Variants in CYTH3 observed in about 807,000 individuals in gnomAD.
CYTH3 encodes cytohesin 3.
CYTH3 carries 23 observed loss-of-function variants against 55.1 expected under a neutral mutation model. The ratio of observed to expected loss-of-function variants is 0.42; its 90% CI spans 0.30 to 0.59. The LOEUF is 0.59. Among genes scored for constraint, CYTH3 ranks in the 20% least tolerant of loss-of-function variants. The pLI is 0.20. For synonymous variants in CYTH3, 249 were observed against 194.9 expected (o/e 1.28, Z -2.31); for missense variants, 413 against 524.8 (o/e 0.79, Z 2.08).
chr7:6,182,679 T>A (rs1357713196), intron 4 of CYTH3, among the ~76,000 whole-genome samples: 3 of 152,134 alleles, frequency 2.0e-5, no homozygotes, highest in African/African-American at 7.2e-5. Flanking sequence ...GCTTATTTTT[T>A]TAAAAAAACT....
chr7:6,221,670 T>G (rs1784556689), intron 1 of CYTH3, among the ~76,000 whole-genome samples: 1 of 151,390 alleles, frequency 6.6e-6, no homozygotes, highest in South Asian at 2.1e-4. Context: ...CTTTGCAACT[T>G]TCTGTGAATC....
chr7:6,246,066 C>T (rs1437823028), intron 1 of CYTH3, among the ~76,000 whole-genome samples: 1 of 151,932 alleles, frequency 6.6e-6, no homozygotes, highest in Admixed American at 6.6e-5. Context: ...TAATTATCCT[C>T]TAAATAATTT....
At chr7:6,222,344 G>A (rs575498457) in intron 1 of CYTH3, among the ~76,000 whole-genome samples, 2 of 152,218 alleles carry the variant, frequency 1.3e-5, no homozygotes, top group Admixed American at 6.5e-5. Context: ...CAAGTGCCTC[G>A]TGTTCCCCCC....
chr7:6,176,570 T>C (rs1272893904), intron 5 of CYTH3, among the ~76,000 whole-genome samples: 1 of 152,176 alleles, frequency 6.6e-6, no homozygotes, highest in Non-Finnish European at 1.5e-5. Context: ...CAATTGAGTT[T>C]TGTATATTAA....
chr7:6,267,958 C>CA (rs71008367), intron 1 of CYTH3, among the ~76,000 whole-genome samples: 7,389 of 152,096 alleles, frequency 0.049, 270 homozygotes, highest in Middle Eastern at 0.075. Flanking sequence ...TTTTGAATTT[C>CA]AAAAAATAAA....
intron 1 of CYTH3, among the ~76,000 whole-genome samples, chr7:6,258,381 G>A (rs922646121): frequency 1.3e-5 from 2 of 151,926 alleles, no homozygotes; most frequent in African/African-American, 4.8e-5. Context: ...GAAACTTCTT[G>A]CAGACATCCC....
chr7:6,198,686 T>C (rs1314187395), intron 1 of CYTH3, among the ~76,000 whole-genome samples: 1 of 151,078 alleles, frequency 6.6e-6, no homozygotes, highest in Non-Finnish European at 1.5e-5. Context: ...TTTGAATGGA[T>C]AAAGTAATAT....
intron 1 of CYTH3, among the ~76,000 whole-genome samples, chr7:6,214,831 A>G (rs571921033): frequency 3.1e-4 from 47 of 152,334 alleles, no homozygotes; most frequent in African/African-American, 1.1e-3. Flanking sequence ...TGCCAAAGCG[A>G]ATATTCGCTC....
intron 1 of CYTH3, among the ~76,000 whole-genome samples, chr7:6,202,744 C>A (rs1232090928): frequency 6.6e-6 from 1 of 152,126 alleles, no homozygotes; most frequent in African/African-American, 2.4e-5. Context: ...CAGGCGTGAG[C>A]CACCGTGCCC....
intron 1 of CYTH3, among the ~76,000 whole-genome samples, chr7:6,201,441 G>C (rs1012416706): frequency 3.9e-5 from 6 of 152,136 alleles, no homozygotes; most frequent in Non-Finnish European, 8.8e-5. Context: ...CCAGGACACT[G>C]GTTCCTTACC....
chr7:6,227,078 TAAA>T (rs397755364), intron 1 of CYTH3, among the ~76,000 whole-genome samples: 6 of 112,870 alleles, frequency 5.3e-5, no homozygotes, highest in Admixed American at 9.6e-5. Context: ...AGACTCTGTC[TAAA>T]AAAAAAAAAA....
intron 1 of CYTH3, among the ~76,000 whole-genome samples, chr7:6,241,047 G>C (rs1393055252): frequency 6.6e-6 from 1 of 152,072 alleles, no homozygotes; most frequent in African/African-American, 2.4e-5. Context: ...GCTTGAACCT[G>C]GGAGGCGGAG....
Position 6,171,114 on chromosome 7 carries a change from A to G in CYTH3, c.562+88T>C. The G allele has an allele frequency of 6.3e-7, 1 of 1,583,628 alleles. No individual in the cohort carries two copies. The highest frequency in any genetic ancestry group is 1.3e-5 in the African/African-American group (1 of 74,294). On this transcript the variant is annotated intron_variant, in intron 7 of 12. Coordinates refer to ENST00000350796, the MANE Select transcript of CYTH3 (RefSeq NM_004227.4). This position sits in a 1 kb window ranked among gnomAD's most constrained non-coding sequence, Gnocchi z 6.7. ...TCAGGGAAGGCAGGTCCCCAGGAAC[A>G]CACGCTGGGCTGTGCCCACAGGGGC...
At chr7:6,259,796 T>TAATAGATATATATATA (rs1406901025) in intron 1 of CYTH3, among the ~76,000 whole-genome samples, 2 of 21,844 alleles carry the variant, frequency 9.2e-5, no homozygotes, top group African/African-American at 9.7e-4. Context: ...TATATATATA[T>TAATAGATATATATATA]ATATATATAT....
intron 1 of CYTH3, among the ~76,000 whole-genome samples, chr7:6,198,015 G>A (rs926009233): frequency 1.3e-5 from 2 of 150,626 alleles, no homozygotes; most frequent in Admixed American, 6.7e-5. Flanking sequence ...GATCGCTTGA[G>A]CCCTTGAGTT....
chr7:6,241,075 T>A (rs1024898469), intron 1 of CYTH3, among the ~76,000 whole-genome samples: 1 of 152,088 alleles, frequency 6.6e-6, no homozygotes, highest in South Asian at 2.1e-4. Context: ...TGAGCCGAGA[T>A]TGTGCCACTG....
At chr7:6,271,800 G>C (rs1462267067) in intron 1 of CYTH3, among the ~76,000 whole-genome samples, 1 of 152,152 alleles carries the variant, frequency 6.6e-6, no homozygotes, top group East Asian at 1.9e-4. Context: ...CTCTGTGCTG[G>C]GTGCAGCTCG....
chr7:6,185,671 G>GC (rs1173781328), intron 4 of CYTH3, among the ~76,000 whole-genome samples: 1 of 150,128 alleles, frequency 6.7e-6, no homozygotes, highest in Non-Finnish European at 1.5e-5. Flanking sequence ...CTGCACTCCA[G>GC]CCTGGGCAAC....
rs573753005 is a variant in CYTH3 at position 6,169,610 on chromosome 7, C to T, written c.823+925G>A. ...GAAAGGCTTGCGTGAACCCAGCTAC[C>T]GCATCTCGCCCGCTTCACTGTGGGC... is the stretch of plus-strand genomic sequence containing the variant. On this transcript the variant is annotated intron_variant, in intron 9 of 12. Coordinates refer to ENST00000350796, the MANE Select transcript of CYTH3 (RefSeq NM_004227.4). The surrounding 1 kb of genome is among the most constrained non-coding windows in gnomAD (Gnocchi z 4.1). Among the ~76,000 whole-genome samples the T allele has an allele frequency of 3.9e-5, 6 of 152,326 alleles. No individual in the cohort carries two copies. Among genetic ancestry groups the T allele is most frequent in the South Asian group, 4.1e-4 (2 of 4,828 alleles).
Sources: allele counts gnomAD v4.1 joint callset (sites outside exome capture counted in the v4.1 genomes callset), GRCh38; gene constraint gnomAD v4.1.1; non-coding constraint Gnocchi (gnomAD v3.1); transcripts MANE v1.5; gene names NCBI Gene and HGNC (gene_info 2026-07-23, HGNC 2026-07-21).